The following FOXN3 variants were observed in gnomAD, a reference collection of about 807,000 sequenced individuals.
FOXN3 encodes the protein forkhead box protein N3.
A neutral mutation model predicts 38.4 loss-of-function variants in FOXN3; 7 were observed. The ratio of observed to expected loss-of-function variants is 0.18; its 90% CI spans 0.10 to 0.34. FOXN3 has a LOEUF of 0.34. Ranked by LOEUF, FOXN3 falls within the 10% of genes least tolerant of loss-of-function variation. The probability of loss-of-function intolerance (pLI) is 1.00; values close to 1 mark genes in which losing one functional copy is unlikely to be tolerated. For missense variants in FOXN3, 456 were observed against 613.4 expected, an observed-to-expected ratio of 0.74 and a Z score of 2.71; for synonymous variants, 230 against 242.2, an observed-to-expected ratio of 0.95 and a Z score of 0.47.
At chr14:89,279,200 G>C (rs1462547587) in intron 4 of FOXN3, among the ~76,000 whole-genome samples, 3 of 152,116 alleles carry the variant, frequency 2.0e-5, no homozygotes, top group Non-Finnish European at 4.4e-5. Flanking sequence ...GCATTTAACT[G>C]GATGTGGATT....
At chr14:89,360,041 C>G (rs1566965887) in intron 2 of FOXN3, among the ~76,000 whole-genome samples, 1 of 152,220 alleles carries the variant, frequency 6.6e-6, no homozygotes, top group Non-Finnish European at 1.5e-5. Flanking sequence ...ATGCCACGGT[C>G]TCCCAGGATC....
chr14:89,317,002 T>A lies in FOXN3; in HGVS notation c.680+33670A>T, dbSNP rs564565790. On this transcript the variant is annotated intron_variant, in intron 3 of 5. Coordinates refer to ENST00000557258, the MANE Select transcript of FOXN3 (RefSeq NM_005197.4). ...TCTTTTAAGCCATTAATTTGAGGTG[T>A]TTGATCAGCAGCAGGAGCTAACTCA... Among the ~76,000 whole-genome samples, 7 of 152,232 alleles carry A rather than the reference T, an allele frequency of 4.6e-5. No homozygotes were observed. In the East Asian group the frequency reaches 1.4e-3, roughly 29 times the overall value.
intron 2 of FOXN3, among the ~76,000 whole-genome samples, chr14:89,405,218 C>CTT (rs2140091457): frequency 6.6e-6 from 1 of 152,092 alleles, no homozygotes; most frequent in East Asian, 1.9e-4. Context: ...CTCACCGCAA[C>CTT]CTCTGCCTCC....
intron 5 of FOXN3, among the ~76,000 whole-genome samples, chr14:89,171,052 T>C (rs76173749): frequency 0.045 from 6,471 of 142,660 alleles, 213 homozygotes; most frequent in Middle Eastern, 0.098. Context: ...ATTTAAAAAG[T>C]TGATTCTTTG....
chr14:89,334,335 T>C (rs1182043199), intron 3 of FOXN3, among the ~76,000 whole-genome samples: 1 of 151,042 alleles, frequency 6.6e-6, no homozygotes, highest in Non-Finnish European at 1.5e-5. Flanking sequence ...GTTGGCTGGA[T>C]GTGGTGGCTC....
chr14:89,464,219 T>C (rs1892922702), intron 1 of FOXN3, among the ~76,000 whole-genome samples: 1 of 151,486 alleles, frequency 6.6e-6, no homozygotes, highest in South Asian at 2.1e-4. Flanking sequence ...GGAGGGGCCA[T>C]GAGATTCCTC....
At chr14:89,199,071 T>C (rs1488960116) in intron 4 of FOXN3, among the ~76,000 whole-genome samples, 2 of 152,194 alleles carry the variant, frequency 1.3e-5, no homozygotes, top group Non-Finnish European at 2.9e-5. Flanking sequence ...CCTCTGATCT[T>C]GAAGGCAGCA....
At chr14:89,195,309 C>T (rs1368766260) in intron 4 of FOXN3, among the ~76,000 whole-genome samples, 1 of 152,156 alleles carries the variant, frequency 6.6e-6, no homozygotes, top group East Asian at 1.9e-4. Context: ...CTGGGGCTTA[C>T]TCCCACTCTC....
At chr14:89,399,400 G>T (rs939504957) in intron 2 of FOXN3, among the ~76,000 whole-genome samples, 1 of 152,200 alleles carries the variant, frequency 6.6e-6, no homozygotes, top group Non-Finnish European at 1.5e-5. Context: ...GAGTGTCCAC[G>T]TGGCCGCAGA....
At chr14:89,524,504 GA>G (rs61150907) in intron 1 of FOXN3, among the ~76,000 whole-genome samples, 8 of 149,202 alleles carry the variant, frequency 5.4e-5, no homozygotes, top group Admixed American at 4.0e-4. Context: ...CAAAATTAGG[GA>G]AAAAAATCAA....
At chr14:89,406,998 G>GAA (rs35141347) in intron 2 of FOXN3, among the ~76,000 whole-genome samples, 3 of 128,440 alleles carry the variant, frequency 2.3e-5, no homozygotes, top group Non-Finnish European at 5.0e-5. Context: ...TAGACGAAAT[G>GAA]AAAAAAAAAA....
chr14:89,182,807 C>T (rs948254052), intron 4 of FOXN3, among the ~76,000 whole-genome samples: 7 of 152,132 alleles, frequency 4.6e-5, no homozygotes, highest in Non-Finnish European at 7.3e-5. Context: ...GAAGAGCATT[C>T]GGAAATAGAC....
intron 1 of FOXN3, among the ~76,000 whole-genome samples, chr14:89,458,256 T>C (rs890940942): frequency 4.6e-5 from 7 of 152,186 alleles, no homozygotes; most frequent in African/African-American, 1.7e-4. Flanking sequence ...TCTCTTGTCA[T>C]CCGAATCATT....
At chr14:89,177,853 A>G (rs1462755892) in intron 5 of FOXN3, among the ~76,000 whole-genome samples, 1 of 152,140 alleles carries the variant, frequency 6.6e-6, no homozygotes, top group Non-Finnish European at 1.5e-5. Context: ...TTTCAGCTCC[A>G]TGGGGTGATC....
chr14:89,253,003 G>C (rs933337630), intron 4 of FOXN3, among the ~76,000 whole-genome samples: 2 of 152,188 alleles, frequency 1.3e-5, no homozygotes, highest in African/African-American at 4.8e-5. Context: ...TTGGAAGGGG[G>C]TTGTCAAGGA....
chr14:89,371,966 G>C (rs1181285461), intron 2 of FOXN3, among the ~76,000 whole-genome samples: 1 of 152,044 alleles, frequency 6.6e-6, no homozygotes, highest in East Asian at 1.9e-4. Flanking sequence ...TCCTGGGGGA[G>C]TGCACCCCCG....
intron 3 of FOXN3, among the ~76,000 whole-genome samples, chr14:89,333,752 A>T (rs1198410941): frequency 8.0e-6 from 1 of 125,296 alleles, no homozygotes; most frequent in South Asian, 2.7e-4. Context: ...AGACTATTAA[A>T]AAAAAAAAAA....
At chr14:89,419,072 G>C, upstream of FOXN3, 1 of 454,832 alleles carries the variant, frequency 2.2e-6, no homozygotes, top group East Asian at 7.0e-5. Flanking sequence ...TGAGCCAAAG[G>C]TGATTGTACA....
At chr14:89,167,341 C>T (rs1469721656) in intron 5 of FOXN3, among the ~76,000 whole-genome samples, 2 of 152,216 alleles carry the variant, frequency 1.3e-5, no homozygotes, top group Non-Finnish European at 2.9e-5. Context: ...GGTTCCACTA[C>T]AGTATAATGA....
Sources: gnomAD v4.1 joint callset for allele counts (sites outside exome capture counted in the v4.1 genomes callset) on GRCh38, gnomAD v4.1.1 for gene constraint, MANE v1.5 for transcripts, NCBI Gene and HGNC (gene_info 2026-07-23, HGNC 2026-07-21) for gene names.